The following COL6A6 variants were observed in gnomAD, a reference collection of about 807,000 sequenced individuals.
COL6A6 encodes the protein collagen alpha-6(VI) chain.
COL6A6 carries 183 observed loss-of-function variants against 208.6 expected under a neutral mutation model. The ratio of observed to expected loss-of-function variants is 0.88; its 90% CI spans 0.78 to 0.99. The LOEUF is 0.99. Ranked by LOEUF, COL6A6 falls within the 50% of genes least tolerant of loss-of-function variation. The pLI is 0.00. For missense variants in COL6A6, 2,816 were observed against 2,815.2 expected, an observed-to-expected ratio of 1.00 and a Z score of -0.01; for synonymous variants, 973 against 1,011.8, an observed-to-expected ratio of 0.96 and a Z score of 0.73.
At chr3:130,672,485 C>G (rs2066243481) in intron 36 of COL6A6, among the ~76,000 whole-genome samples, 1 of 151,712 alleles carries the variant, frequency 6.6e-6, no homozygotes, top group Non-Finnish European at 1.5e-5. Context: ...TCACTGCAAC[C>G]TCTGCCTCCC....
chr3:130,559,841 C>G (rs1230245041), intron 1 of COL6A6, among the ~76,000 whole-genome samples: 1 of 152,124 alleles, frequency 6.6e-6, no homozygotes, highest in Admixed American at 6.5e-5. Context: ...GAAATAGCTA[C>G]TGTTTCAGTT....
At chr3:130,525,023 T>C (rs1171111550) in intron 1 of COL6A6, among the ~76,000 whole-genome samples, 1 of 152,228 alleles carries the variant, frequency 6.6e-6, no homozygotes, top group African/African-American at 2.4e-5. Context: ...TTATTAAACA[T>C]ATTATATACA....
intron 21 of COL6A6, among the ~76,000 whole-genome samples, chr3:130,608,283 T>C (rs2064245256): frequency 6.6e-6 from 1 of 152,226 alleles, no homozygotes; most frequent in African/African-American, 2.4e-5. Context: ...AGAGAAGATG[T>C]TAAAAAATTT....
rs2062984916 is a variant in COL6A6 at position 130,565,146 on chromosome 3, GC to G, written c.816del (p.Tyr273IlefsTer7). On this transcript the variant is annotated frameshift_variant, in exon 4 of 37. Transcript: ENST00000358511. LOFTEE classifies it high-confidence loss of function. ...AAATTGCATGAGGGTTGGCCTTGTG[GC>G]CTATAGCAATGAGACAAAAGTGATA... ...KENCMRVGLVAYSNETKVINS... is the reference protein window; with the variant it reads ...KENCMRVGLVXYSNETKVINS... The G allele has an allele frequency of 6.2e-7, 1 of 1,614,028 alleles. No homozygotes were observed. The highest frequency in any genetic ancestry group is 8.5e-7 in the Non-Finnish European group (1 of 1,179,886).
At chr3:130,564,120 CT>C (rs2062960964) in intron 3 of COL6A6, among the ~76,000 whole-genome samples, 1 of 152,214 alleles carries the variant, frequency 6.6e-6, no homozygotes, top group Non-Finnish European at 1.5e-5. Context: ...CAAAAAAGAA[CT>C]TATATATATC....
chr3:130,540,971 G>A (rs1268033283), intron 1 of COL6A6, among the ~76,000 whole-genome samples: 1 of 152,194 alleles, frequency 6.6e-6, no homozygotes, highest in East Asian at 1.9e-4. Flanking sequence ...GAACATATGT[G>A]TGCATATATC....
intron 33 of COL6A6, among the ~76,000 whole-genome samples, chr3:130,649,789 G>A (rs1184472775): frequency 1.3e-5 from 2 of 152,158 alleles, no homozygotes; most frequent in Non-Finnish European, 2.9e-5. Flanking sequence ...TTCACAAGTA[G>A]TATGTATAAA....
chr3:130,638,025 A>G (rs1227384293), intron 28 of COL6A6, among the ~76,000 whole-genome samples: 2 of 152,064 alleles, frequency 1.3e-5, no homozygotes, highest in Non-Finnish European at 1.5e-5. Flanking sequence ...GGTTATGACA[A>G]TCAAAAACAT....
chr3:130,524,559 T>C (rs2061918071), intron 1 of COL6A6, among the ~76,000 whole-genome samples: 1 of 152,254 alleles, frequency 6.6e-6, no homozygotes, highest in Admixed American at 6.5e-5. Context: ...TCAGCTTGAA[T>C]AGATAAATTC....
intron 1 of COL6A6, among the ~76,000 whole-genome samples, chr3:130,521,702 G>T (rs1312489500): frequency 6.6e-6 from 1 of 152,168 alleles, no homozygotes; most frequent in East Asian, 1.9e-4. Flanking sequence ...TCAGGCCTTG[G>T]GAGCCTGCCT....
chr3:130,654,700 T>G (rs1490768646), intron 33 of COL6A6, among the ~76,000 whole-genome samples: 3 of 152,236 alleles, frequency 2.0e-5, no homozygotes, highest in African/African-American at 7.2e-5. Context: ...TTTTGCCTAC[T>G]GCCCACATAG....
rs900030940 is a variant in COL6A6, at chr3:130,651,770, G to A, written c.5733+2208G>A. Among the ~76,000 whole-genome samples, 4 of 152,290 alleles carry A rather than the reference G, an allele frequency of 2.6e-5. No homozygotes were observed. The South Asian group carries it at 8.3e-4, about 32-fold the overall frequency. On this transcript the variant is annotated intron_variant, in intron 33 of 36. Coordinates refer to ENST00000358511, the MANE Select transcript of COL6A6 (RefSeq NM_001102608.3). ...CCCTTGGTTTTGTTTAGTCATAAAA[G>A]GAGACAACTTTCTCTCCTGATGCAA...
rs748957842 is a variant in COL6A6, at chr3:130,581,846, C to A, written c.3833C>A (p.Ala1278Glu). The change falls in exon 9 of 37, where the codon GCA (alanine) becomes GAA (glutamate). Residue 1278 changes from alanine to glutamate, a missense_variant. By Grantham distance (107) the Ala-to-Glu change is moderately radical (BLOSUM62 -1). Coordinates refer to ENST00000358511, the MANE Select transcript of COL6A6 (RefSeq NM_001102608.3). The part of the protein sequence containing the change: ...ITVKGPSLLN[A>E]NLLDSLWDTF... Reference sequence around the variant, plus strand: ...GTTAAAGGACCATCTCTTCTCAATGCAAACCTCTTGGATTCTCTATGGGAT... The same window carrying A: ...GTTAAAGGACCATCTCTTCTCAATGAAAACCTCTTGGATTCTCTATGGGAT... 1.9e-6 allele frequency: 3 copies of A among 1,613,142 alleles called. No individual in the cohort carries two copies. In the South Asian group the frequency reaches 3.3e-5, roughly 18 times the overall value.
intron 10 of COL6A6, among the ~76,000 whole-genome samples, chr3:130,583,597 A>G (rs1456936423): frequency 2.6e-5 from 4 of 152,210 alleles, no homozygotes; most frequent in African/African-American, 4.8e-5. Context: ...AGATATTTAG[A>G]TTCTTCCAAT....
At chr3:130,640,355 A>G (rs1273460321) in intron 28 of COL6A6, among the ~76,000 whole-genome samples, 2 of 144,634 alleles carry the variant, frequency 1.4e-5, no homozygotes, top group Admixed American at 7.1e-5. Flanking sequence ...TCTCCCCACC[A>G]TTGTTTTTTG....
chr3:130,568,862 T>C (rs1161827287), intron 6 of COL6A6, among the ~76,000 whole-genome samples: 3 of 152,164 alleles, frequency 2.0e-5, no homozygotes, highest in African/African-American at 4.8e-5. Context: ...TACCAGTTCT[T>C]AGATCAGGTT....
chr3:130,520,128 G>C (rs930278445), intron 1 of COL6A6, among the ~76,000 whole-genome samples: 8 of 152,310 alleles, frequency 5.3e-5, no homozygotes, highest in East Asian at 1.9e-4. Context: ...ACTTTTCCGT[G>C]AGGGTCAAAT....
chr3:130,645,027 G>A, intron 32 of COL6A6, 25 bp downstream of exon 32: 1 of 1,607,334 alleles, frequency 6.2e-7, no homozygotes, highest in Non-Finnish European at 8.5e-7. Flanking sequence ...TTTACAGCAT[G>A]CTTTAATCAA....
In COL6A6 at chr3:130,665,084, G is replaced by A. The variant is rs544399652; in HGVS notation, c.6584G>A (p.Arg2195Gln). The change falls in exon 36 of 37, where the codon CGA (arginine) becomes CAA (glutamine). Residue 2195 changes from arginine to glutamine, a missense_variant. Transcript: ENST00000358511. ...TCTATAGATCCAAAGCAGCCCCCAC[G>A]ACCATTCCGAAGGTACTGTCTGTTT... ...LNSIDPKQPP[R>Q]PFRSFVPGPL... 2.9e-5 allele frequency: 46 copies of A among 1,608,078 alleles called. No homozygotes were observed. The South Asian group carries it at 3.3e-4, about 12-fold the overall frequency.
Sources: gnomAD v4.1 joint callset for allele counts (sites outside exome capture counted in the v4.1 genomes callset) on GRCh38, gnomAD v4.1.1 for gene constraint, MANE v1.5 for transcripts, NCBI Gene and HGNC (gene_info 2026-07-23, HGNC 2026-07-21) for gene names.